Variants in SYNPO2 observed in about 807,000 individuals in gnomAD.
The protein encoded by SYNPO2 is synaptopodin 2.
SYNPO2 carries 56 observed loss-of-function variants against 85.0 expected under a neutral mutation model. The observed-to-expected ratio is 0.66, with a 90% confidence interval of 0.53 to 0.82. SYNPO2 has a LOEUF of 0.82. Among genes scored for constraint, SYNPO2 ranks in the 40% least tolerant of loss-of-function variants. The pLI, the probability that SYNPO2 is intolerant of heterozygous loss-of-function variation, is 0.00. For synonymous variants in SYNPO2, 602 were observed against 591.1 expected, an observed-to-expected ratio of 1.02 and a Z score of -0.27; for missense variants, 1,575 against 1,534.2, an observed-to-expected ratio of 1.03 and a Z score of -0.44.
At chr4:119,034,566 A>G in intron 4 of SYNPO2, 5 of 985,556 alleles carry the variant, frequency 5.1e-6, no homozygotes, top group Non-Finnish European at 6.0e-6. Context: ...AAGCATCTAC[A>G]ACTTCAGCTG....
At chr4:118,950,022 C>T (rs932333760) in intron 1 of SYNPO2, among the ~76,000 whole-genome samples, 9 of 152,066 alleles carry the variant, frequency 5.9e-5, no homozygotes, top group African/African-American at 9.7e-5. Context: ...ATTGCTTTCA[C>T]GTTAAATAAT....
At chr4:118,994,031 C>CA (rs775593195) in intron 1 of SYNPO2, among the ~76,000 whole-genome samples, 1 of 152,190 alleles carries the variant, frequency 6.6e-6, no homozygotes, top group African/African-American at 2.4e-5. Context: ...TACTGTTGAA[C>CA]ATTTGGTTCT....
In SYNPO2 at chr4:119,024,117, A is replaced by G. The variant is rs181172071; in HGVS notation, c.257+536A>G. Among the ~76,000 whole-genome samples, 15 of 152,356 alleles carry G rather than the reference A, an allele frequency of 9.8e-5. No individual in the cohort carries two copies. The East Asian group carries it at 2.9e-3, about 29-fold the overall frequency. On this transcript the variant is annotated intron_variant, in intron 2 of 4. Coordinates refer to ENST00000307142, the MANE Select transcript of SYNPO2 (RefSeq NM_133477.3). ...CAGATGATTAGAATAAGGTTTTTGCACGACCAACACAGGTCATTTGGGAAT... is the reference window on the plus strand; with the variant it reads ...CAGATGATTAGAATAAGGTTTTTGCGCGACCAACACAGGTCATTTGGGAAT...
At chr4:118,903,842 G>A (rs777628884) in intron 1 of SYNPO2, among the ~76,000 whole-genome samples, 21 of 151,894 alleles carry the variant, frequency 1.4e-4, no homozygotes, top group Admixed American at 3.3e-4. Context: ...CTCCCGAGTC[G>A]CTGGGATTTA....
chr4:119,053,775 A>T (rs1422438154), intron 4 of SYNPO2, among the ~76,000 whole-genome samples: 1 of 152,096 alleles, frequency 6.6e-6, no homozygotes, highest in African/African-American at 2.4e-5. Flanking sequence ...CTTTCATGTA[A>T]TGTTTTGGAT....
chr4:119,002,811 A>T (rs1026536593), intron 1 of SYNPO2, among the ~76,000 whole-genome samples: 2 of 152,088 alleles, frequency 1.3e-5, no homozygotes, highest in African/African-American at 4.8e-5. Flanking sequence ...TACCATCTTT[A>T]TTCTACCCTC....
At chr4:118,895,389 T>C (rs1456572537) in intron 1 of SYNPO2, among the ~76,000 whole-genome samples, 3 of 152,190 alleles carry the variant, frequency 2.0e-5, no homozygotes, top group Non-Finnish European at 4.4e-5. Flanking sequence ...CTGAATGAGG[T>C]GGCGTTTCTC....
intron 4 of SYNPO2, chr4:119,034,412 T>C: frequency 1.0e-6 from 1 of 984,070 alleles, no homozygotes. Flanking sequence ...TTCCATTTCC[T>C]GTTGGACAGG....
chr4:118,882,976 T>C (rs1354300644), intron 1 of SYNPO2, among the ~76,000 whole-genome samples: 1 of 151,980 alleles, frequency 6.6e-6, no homozygotes, highest in Non-Finnish European at 1.5e-5. Flanking sequence ...TTAGCCAGGA[T>C]GGTCTCGATC....
chr4:119,036,848 T>C (rs1738533050), intron 4 of SYNPO2: 19 of 1,092,236 alleles, frequency 1.7e-5, no homozygotes, highest in Non-Finnish European at 2.0e-5. Flanking sequence ...AGAAATTTAA[T>C]TTTAAATATC....
intron 1 of SYNPO2, among the ~76,000 whole-genome samples, chr4:118,895,975 G>A (rs556862445): frequency 1.3e-4 from 19 of 151,696 alleles, no homozygotes; most frequent in South Asian, 4.2e-4. Flanking sequence ...ATATTAATTC[G>A]GTTGATAAAG....
Position 119,030,242 on chromosome 4 carries a change from C to T in SYNPO2, c.1467C>T (p.Gly489=). ...TGGAGATGTTACCAGACACCACAGG[C>T]AAGGGAGCCCTCATGTTTGCCAAGA... The part of the protein sequence containing the change: ...DKMEMLPDTT[G]KGALMFAKRR... Residue 489 remains glycine (G), a synonymous_variant, in exon 4 of 5, where the codon GGC becomes GGT. Transcript: ENST00000307142. 1.9e-6 allele frequency: 3 copies of T among 1,613,934 alleles called. No individual in the cohort carries two copies. Among genetic ancestry groups the T allele is most frequent in the Non-Finnish European group, 2.5e-6 (3 of 1,179,960 alleles).
chr4:118,886,215 T>G (rs954446351), upstream of SYNPO2, among the ~76,000 whole-genome samples: 25 of 151,928 alleles, frequency 1.6e-4, no homozygotes, highest in African/African-American at 6.0e-4. Flanking sequence ...TATGAAAGTG[T>G]TTTTTTTCTT....
chr4:118,992,175 A>G (rs945145784), intron 1 of SYNPO2, among the ~76,000 whole-genome samples: 17 of 152,122 alleles, frequency 1.1e-4, no homozygotes, highest in Admixed American at 6.5e-4. Context: ...TGTTCTGTTT[A>G]TAGGCAAGAC....
At chr4:119,022,747 ATTT>A (rs1560989830) in intron 1 of SYNPO2, among the ~76,000 whole-genome samples, 71 of 131,860 alleles carry the variant, frequency 5.4e-4, no homozygotes, top group African/African-American at 1.8e-3. Context: ...TTTATGTTTT[ATTT>A]TATTTTATTT....
chr4:118,962,278 T>G (rs1471410155), intron 1 of SYNPO2, among the ~76,000 whole-genome samples: 1 of 152,194 alleles, frequency 6.6e-6, no homozygotes, highest in Non-Finnish European at 1.5e-5. Context: ...CCCAGGGTGA[T>G]AGAAAATAGC....
chr4:118,962,056 G>T (rs1008203209), intron 1 of SYNPO2, among the ~76,000 whole-genome samples: 1 of 152,154 alleles, frequency 6.6e-6, no homozygotes, highest in Admixed American at 6.6e-5. Flanking sequence ...CCCTGTGTTC[G>T]CTTTTGCTCC....
At position 119,031,616 on chromosome 4, in the gene SYNPO2, C is replaced by T; in HGVS notation, c.2841C>T (p.Pro947=). Residue 947 remains proline, a synonymous_variant, in exon 4 of 5, where the codon CCC becomes CCT. Transcript: ENST00000307142. ...AGTCTCAGCCATCAGCTGCACAGCC[C>T]TCCAAAATGGGCAAGAAAAAGGGAA... ...ALKSQPSAAQ[P]SKMGKKKGKK... 6.2e-7 allele frequency: 1 copy of T among 1,614,164 alleles called. No individual in the cohort carries two copies. Among genetic ancestry groups the T allele is most frequent in the African/African-American group, 1.3e-5 (1 of 75,040 alleles).
chr4:118,895,549 C>G (rs1489829448), intron 1 of SYNPO2, among the ~76,000 whole-genome samples: 1 of 152,140 alleles, frequency 6.6e-6, no homozygotes, highest in Non-Finnish European at 1.5e-5. Flanking sequence ...CACAGGAAAT[C>G]AGGCTTCTGA....
Sources: allele counts gnomAD v4.1 joint callset (sites outside exome capture counted in the v4.1 genomes callset), GRCh38; gene constraint gnomAD v4.1.1; transcripts MANE v1.5; gene names NCBI Gene and HGNC (gene_info 2026-07-23, HGNC 2026-07-21).